The following FER variants were observed in gnomAD, a reference collection of about 807,000 sequenced individuals.
FER encodes tyrosine-protein kinase Fer.
A neutral mutation model predicts 111.0 loss-of-function variants in FER; 63 were observed. The observed-to-expected ratio is 0.57, with a 90% CI of 0.46 to 0.70. FER has a LOEUF of 0.70. FER is among the 30% of genes least tolerant of loss of function. The pLI is 0.00. For synonymous variants in FER, 327 were observed against 313.9 expected (o/e 1.04, Z -0.44); for missense variants, 914 against 954.0 (o/e 0.96, Z 0.55).
rs114850313 is a variant in FER, at chr5:109,081,749, A to G, written c.1925-18647A>G. ...TTAGAACCTAGTTCTATGGATGCTT[A>G]ATTCTCAAGAACTTTTTCTTTGTTT... On this transcript the variant is annotated intron_variant, in intron 16 of 19. Transcript: ENST00000281092. 8.6e-3 allele frequency among the ~76,000 whole-genome samples: 1,310 copies of G among 152,120 alleles called. 5 individuals are homozygous for G. The highest frequency in any genetic ancestry group is 0.02 in the Middle Eastern group (6 of 294).
At chr5:108,913,678 C>T (rs1005327684) in intron 10 of FER, among the ~76,000 whole-genome samples, 5 of 152,218 alleles carry the variant, frequency 3.3e-5, no homozygotes, top group African/African-American at 1.2e-4. Flanking sequence ...GAAATACATA[C>T]ATATGCTCTC....
chr5:108,801,984 G>T (rs1043669342), intron 3 of FER, among the ~76,000 whole-genome samples: 1 of 152,190 alleles, frequency 6.6e-6, no homozygotes, highest in African/African-American at 2.4e-5. Context: ...CATATCCTGG[G>T]CAGGACAGAG....
At chr5:108,990,866 C>T (rs1030402769) in intron 13 of FER, among the ~76,000 whole-genome samples, 2 of 151,712 alleles carry the variant, frequency 1.3e-5, no homozygotes, top group Admixed American at 1.3e-4. Flanking sequence ...TCTAGATTTA[C>T]ATCCATGATT....
At chr5:108,806,543 T>C (rs1237835639) in intron 3 of FER, among the ~76,000 whole-genome samples, 1 of 152,238 alleles carries the variant, frequency 6.6e-6, no homozygotes. Flanking sequence ...GAAGGGAGGC[T>C]GTACCCTGCA....
intron 19 of FER, among the ~76,000 whole-genome samples, chr5:109,186,895 G>A (rs1758936275): frequency 6.6e-6 from 1 of 152,228 alleles, no homozygotes; most frequent in East Asian, 1.9e-4. Flanking sequence ...AGAAGTGGAT[G>A]AAGGAAGATG....
chr5:108,954,583 G>C (rs1342202122), intron 11 of FER, 146 bp from the exon 12 acceptor site: 1 of 597,518 alleles, frequency 1.7e-6, no homozygotes, highest in East Asian at 3.0e-5. Flanking sequence ...TACTTCAAAA[G>C]ATATTTTAGG....
At chr5:108,830,241 G>T (rs1011597944) in intron 3 of FER, among the ~76,000 whole-genome samples, 2 of 152,066 alleles carry the variant, frequency 1.3e-5, no homozygotes, top group South Asian at 4.1e-4. Context: ...ATCACTTGAG[G>T]CCAGGAATTC....
chr5:108,989,181 G>A (rs187114292), intron 13 of FER, among the ~76,000 whole-genome samples: 35 of 152,036 alleles, frequency 2.3e-4, no homozygotes, highest in Non-Finnish European at 4.7e-4. Context: ...ATCTTCAAAT[G>A]TGTAAAATCT....
intron 17 of FER, among the ~76,000 whole-genome samples, chr5:109,170,211 G>GA (rs939642846): frequency 2.0e-4 from 31 of 151,932 alleles, no homozygotes; most frequent in Non-Finnish European, 4.1e-4. Context: ...AAATAGAATA[G>GA]AAAAAAATGC....
intron 10 of FER, among the ~76,000 whole-genome samples, chr5:108,907,308 T>C (rs111460932): frequency 0.035 from 5,380 of 151,996 alleles, 124 homozygotes; most frequent in African/African-American, 0.068. Flanking sequence ...CTTTTCTTTT[T>C]TTTTGAGATG....
chr5:108,955,025 G>A (rs1209406378), intron 12 of FER, 93 bp downstream of exon 12: 3 of 1,077,756 alleles, frequency 2.8e-6, no homozygotes, highest in Non-Finnish European at 3.9e-6. Context: ...ATAAATGCCT[G>A]CAACACTTGA....
At chr5:108,751,203 AAAAC>A (rs753787176) in intron 1 of FER, among the ~76,000 whole-genome samples, 11 of 152,166 alleles carry the variant, frequency 7.2e-5, no homozygotes, top group Non-Finnish European at 1.0e-4. Context: ...AGAAAAACAA[AAAAC>A]AAACAAACAA....
intron 13 of FER, among the ~76,000 whole-genome samples, chr5:109,032,221 C>T (rs1769731014): frequency 1.3e-5 from 2 of 152,078 alleles, no homozygotes; most frequent in South Asian, 4.1e-4. Context: ...AAAATAAACT[C>T]TTTAGAGATG....
intron 3 of FER, among the ~76,000 whole-genome samples, chr5:108,826,947 C>CT (rs1307444670): frequency 6.6e-6 from 1 of 151,628 alleles, no homozygotes; most frequent in Admixed American, 6.6e-5. Flanking sequence ...GTTTTAGAAA[C>CT]TTTTTTTTTA....
chr5:109,032,855 C>T (rs72790562), intron 13 of FER, among the ~76,000 whole-genome samples: 17,195 of 151,944 alleles, frequency 0.11, 1,063 homozygotes, highest in Non-Finnish European at 0.14. Context: ...TTTCTTTTAC[C>T]GTAATCATGA....
chr5:108,956,406 C>G (rs2149659702), intron 12 of FER, among the ~76,000 whole-genome samples: 1 of 151,578 alleles, frequency 6.6e-6, no homozygotes, highest in South Asian at 2.1e-4. Context: ...TTATGTAAAC[C>G]TGAAATATTT....
chr5:109,028,202 C>T (rs11960400), intron 13 of FER, among the ~76,000 whole-genome samples: 28,220 of 152,040 alleles, frequency 0.19, 2,775 homozygotes, highest in Non-Finnish European at 0.22. Context: ...AACTGTAAAG[C>T]TTTTTGTGAT....
chr5:108,935,957 G>T (rs1755406941), intron 10 of FER, among the ~76,000 whole-genome samples: 1 of 152,028 alleles, frequency 6.6e-6, no homozygotes, highest in African/African-American at 2.4e-5. Flanking sequence ...TTTTTGAATG[G>T]TTTGGGAAAG....
At chr5:109,016,620 T>C (rs1399109179) in intron 13 of FER, among the ~76,000 whole-genome samples, 1 of 152,074 alleles carries the variant, frequency 6.6e-6, no homozygotes, top group Non-Finnish European at 1.5e-5. Flanking sequence ...ATGACTTAAT[T>C]GTAGGTCGCT....
Sources: gnomAD v4.1 joint callset for allele counts (sites outside exome capture counted in the v4.1 genomes callset) on GRCh38, gnomAD v4.1.1 for gene constraint, MANE v1.5 for transcripts, NCBI Gene and HGNC (gene_info 2026-07-23, HGNC 2026-07-21) for gene names.